TMOD1: variants seen among roughly 807,000 people sequenced by gnomAD.
TMOD1 encodes tropomodulin 1, also known as tropomodulin-1.
In TMOD1, 17 loss-of-function variants were observed where a neutral mutation model predicts 40.6. The observed-to-expected ratio is 0.42, with a 90% CI of 0.29 to 0.63. The LOEUF (loss-of-function observed/expected upper bound fraction) is 0.63, where lower values mean the gene tolerates loss of function less well. Among genes scored for constraint, TMOD1 ranks in the 20% least tolerant of loss-of-function variants. The pLI is 0.22. For synonymous variants in TMOD1, 181 were observed against 175.0 expected (o/e 1.03, Z -0.27); for missense variants, 391 against 447.6 (o/e 0.87, Z 1.14).
chr9:97,569,618 TCTGA>T (rs1830788946), intron 8 of TMOD1, among the ~76,000 whole-genome samples: 1 of 152,246 alleles, frequency 6.6e-6, no homozygotes, highest in Non-Finnish European at 1.5e-5. Flanking sequence ...CTCTTTCAGC[TCTGA>T]CTTTCTAAGA....
chr9:97,592,282 G>C (rs1309717845), intron 9 of TMOD1, among the ~76,000 whole-genome samples: 1 of 151,080 alleles, frequency 6.6e-6, no homozygotes, highest in Non-Finnish European at 1.5e-5. Flanking sequence ...ACAAGAGGGG[G>C]AAAAAAAACA....
chr9:97,505,699 A>G (rs146229592), intron 1 of TMOD1, among the ~76,000 whole-genome samples: 1 of 152,166 alleles, frequency 6.6e-6, no homozygotes, highest in Non-Finnish European at 1.5e-5. Flanking sequence ...CTCCTCATCT[A>G]TAGACATCTC....
chr9:97,520,818 A>T lies in TMOD1; in HGVS notation c.-48-3323A>T, dbSNP rs376660408. 1.2e-4 allele frequency among the ~76,000 whole-genome samples: 18 copies of T among 152,264 alleles called. No homozygotes were observed. In the East Asian group the frequency reaches 3.5e-3, roughly 29 times the overall value. Reference sequence around the variant, plus strand: ...TCTAGGGGAGGCCTAGTGCCCCACCACATATCCCTCCTTCAGCAGTCCTCA... The same window carrying T: ...TCTAGGGGAGGCCTAGTGCCCCACCTCATATCCCTCCTTCAGCAGTCCTCA... On this transcript the variant is annotated intron_variant, in intron 1 of 9. Transcript: ENST00000259365.
intron 8 of TMOD1, among the ~76,000 whole-genome samples, chr9:97,587,518 C>G (rs960321972): frequency 2.6e-5 from 4 of 151,912 alleles, no homozygotes; most frequent in Admixed American, 2.6e-4. Flanking sequence ...TATGTACATC[C>G]TCTTCAGTGA....
At chr9:97,568,756 A>T in intron 7 of TMOD1, 138 bp from the exon 8 acceptor site, 1 of 986,794 alleles carries the variant, frequency 1.0e-6, no homozygotes, top group South Asian at 1.6e-5. Context: ...GGAGAGACAC[A>T]GTCAGAGTTG....
intron 4 of TMOD1, among the ~76,000 whole-genome samples, chr9:97,562,381 C>G (rs373713414): frequency 6.6e-6 from 1 of 152,084 alleles, no homozygotes; most frequent in Non-Finnish European, 1.5e-5. Context: ...TGCCACATTC[C>G]CTGATGTTTT....
intron 8 of TMOD1, among the ~76,000 whole-genome samples, chr9:97,584,033 C>T (rs532460832): frequency 6.6e-6 from 1 of 151,280 alleles, no homozygotes; most frequent in African/African-American, 2.4e-5. Flanking sequence ...TTATTTCTTG[C>T]CTTCTGCTAG....
At chr9:97,594,659 G>A (rs1424437802) in intron 9 of TMOD1, among the ~76,000 whole-genome samples, 1 of 152,172 alleles carries the variant, frequency 6.6e-6, no homozygotes, top group Non-Finnish European at 1.5e-5. Context: ...GCAGACAGGC[G>A]GTATGCCCAG....
Position 97,524,213 on chromosome 9 carries a change from A to G in TMOD1, c.25A>G (p.Lys9Glu). MSYRRELEKYRDLDEDEIL... is the reference protein window; with the variant it reads MSYRRELEEYRDLDEDEIL... ...GATGTCGTACAGACGAGAACTAGAG[A>G]AATACCGTGACCTGGATGAAGATGA... Residue 9 changes from lysine (K) to glutamate (E), a missense_variant, in exon 2 of 10, where the codon AAA becomes GAA. Transcript: ENST00000259365. 9 of 1,613,886 alleles carry G rather than the reference A, an allele frequency of 5.6e-6. No individual in the cohort carries two copies. Among genetic ancestry groups the G allele is most frequent in the Non-Finnish European group, 6.8e-6 (8 of 1,179,744 alleles).
chr9:97,504,266 T>C (rs972571240), intron 1 of TMOD1, among the ~76,000 whole-genome samples: 3 of 151,878 alleles, frequency 2.0e-5, no homozygotes, highest in African/African-American at 7.3e-5. Flanking sequence ...ATAGTATTCG[T>C]TGTGGTGAGG....
intron 4 of TMOD1, among the ~76,000 whole-genome samples, chr9:97,561,604 G>C (rs981332247): frequency 6.6e-6 from 1 of 152,168 alleles, no homozygotes; most frequent in East Asian, 1.9e-4. Flanking sequence ...GTTGCCATGC[G>C]TCTGATTATT....
intron 2 of TMOD1, among the ~76,000 whole-genome samples, chr9:97,530,788 T>TTC (rs11434863): frequency 1.1e-4 from 1 of 8,850 alleles, no homozygotes; most frequent in Non-Finnish European, 2.1e-4. Flanking sequence ...CGGGCCCGGC[T>TTC]TTTTTTTTTT....
At chr9:97,565,732 C>T (rs1160680213) in intron 6 of TMOD1, 116 bp from the exon 7 acceptor site, 1 of 779,310 alleles carries the variant, frequency 1.3e-6, no homozygotes, top group Non-Finnish European at 2.1e-6. Flanking sequence ...TTTGCCCATT[C>T]AGCTTTTTGG....
chr9:97,562,200 T>A (rs948445396), intron 4 of TMOD1, among the ~76,000 whole-genome samples: 5 of 152,170 alleles, frequency 3.3e-5, no homozygotes, highest in African/African-American at 1.2e-4. Context: ...TTGTGCTGCA[T>A]GCTGGGAGGT....
chr9:97,559,752 G>A (rs1487992393), intron 4 of TMOD1, among the ~76,000 whole-genome samples: 5 of 126,026 alleles, frequency 4.0e-5, no homozygotes, highest in Admixed American at 9.9e-5. Flanking sequence ...GCCACAGAGC[G>A]AGACTCCGCC....
chr9:97,577,774 AATAAC>A (rs1263440408), intron 8 of TMOD1, among the ~76,000 whole-genome samples: 5 of 152,240 alleles, frequency 3.3e-5, no homozygotes, highest in Non-Finnish European at 4.4e-5. Context: ...CATCTCAAAA[AATAAC>A]ATAAAATAAA....
intron 8 of TMOD1, among the ~76,000 whole-genome samples, chr9:97,575,263 C>T (rs1217770497): frequency 2.0e-5 from 3 of 152,148 alleles, no homozygotes; most frequent in Non-Finnish European, 4.4e-5. Context: ...ACACTCACCG[C>T]GAAGGCCTGC....
At position 97,601,081 on chromosome 9, in the gene TMOD1, G is replaced by A; in HGVS notation, c.*1383G>A. On this transcript the variant is annotated 3_prime_UTR_variant, in exon 10 of 10. Transcript: ENST00000259365. Reference sequence around the variant, plus strand: ...GGGCAGTACAGGGTAACTGGAGGCGGGGCCAGGGCCTCAGCGCTATGGAAG... The same window carrying A: ...GGGCAGTACAGGGTAACTGGAGGCGAGGCCAGGGCCTCAGCGCTATGGAAG... The A allele has an allele frequency of 7.7e-7, 1 of 1,304,292 alleles. No individual in the cohort carries two copies. 80.8% of individuals were successfully genotyped at this position (1,304,292 alleles called of 1,614,324 possible).
At chr9:97,556,641 T>G (rs1266431726) in intron 4 of TMOD1, among the ~76,000 whole-genome samples, 1 of 152,128 alleles carries the variant, frequency 6.6e-6, no homozygotes, top group African/African-American at 2.4e-5. Flanking sequence ...GGCAAAAGAA[T>G]GGTAAGAAAA....
Sources: allele counts gnomAD v4.1 joint callset (sites outside exome capture counted in the v4.1 genomes callset), GRCh38; gene constraint gnomAD v4.1.1; transcripts MANE v1.5; gene names NCBI Gene and HGNC (gene_info 2026-07-23, HGNC 2026-07-21).